NHP2: variants seen among roughly 807,000 people sequenced by gnomAD.
NHP2 encodes NHP2 ribonucleoprotein, also known as H/ACA ribonucleoprotein complex subunit 2.
In NHP2, 10 loss-of-function variants were observed where a neutral mutation model predicts 16.7. The observed-to-expected ratio is 0.60, with a 90% CI of 0.37 to 1.01. The LOEUF is 1.01. NHP2 is among the 50% of genes least tolerant of loss of function. The probability of loss-of-function intolerance (pLI) is 0.01; values close to 1 mark genes in which losing one functional copy is unlikely to be tolerated. For missense variants in NHP2, 184 were observed against 198.3 expected (o/e 0.93, Z 0.43); for synonymous variants, 87 against 78.9 (o/e 1.10, Z -0.54).
rs773752330 is a variant in NHP2 at position 178,149,786 on chromosome 5, T to C, written c.389A>G (p.Lys130Arg). ...AGCCTCCTGGTACTCCTCATGGGGC[T>C]TGACCATTATCACACAGGTGGGGCG... ...SKRPTCVIMV[K>R]PHEEYQEAYD... The change falls in exon 4 of 4, where the codon AAG becomes AGG. Residue 130 changes from lysine to arginine, a missense_variant. By Grantham distance (26) the Lys-to-Arg change is conservative. Coordinates refer to ENST00000274606, the MANE Select transcript of NHP2 (RefSeq NM_017838.4). The C allele has an allele frequency of 6.2e-7, 1 of 1,614,042 alleles. No homozygotes were observed. The highest frequency in any genetic ancestry group is 8.5e-7 in the Non-Finnish European group (1 of 1,179,940).
chr5:178,150,962 T>C lies in NHP2; in HGVS notation c.262A>G (p.Ile88Val), dbSNP rs751572936. Reference protein sequence around the residue: ...IMVLAGDTLPIEVYCHLPVMC... With the variant: ...IMVLAGDTLPVEVYCHLPVMC... ...ACTGGGAGATGGCAGTATACCTCAA[T>C]GGGCAGTGTGTCTCCTGCCAAAACC... Residue 88 changes from isoleucine (I) to valine (V), a missense_variant, in exon 3 of 4, where the codon ATT becomes GTT. By Grantham distance (29) the Ile-to-Val change is conservative. Coordinates refer to ENST00000274606, the MANE Select transcript of NHP2 (RefSeq NM_017838.4). 2 of 1,613,972 alleles carry C rather than the reference T, an allele frequency of 1.2e-6. No homozygotes were observed. The highest frequency in any genetic ancestry group is 1.7e-6 in the Non-Finnish European group (2 of 1,179,998).
rs944016113 is a variant in NHP2, at chr5:178,149,682, G to C, written c.*31C>G. 24 of 1,611,444 alleles carry C rather than the reference G, an allele frequency of 1.5e-5. No homozygotes were observed. In the Admixed American group the frequency reaches 3.0e-4, roughly 20 times the overall value. On this transcript the variant is annotated 3_prime_UTR_variant, in exon 4 of 4. Coordinates refer to ENST00000274606, the MANE Select transcript of NHP2 (RefSeq NM_017838.4). The stretch of plus-strand genomic sequence containing the variant: ...CCTGCTGCCAGCCCAATAGCTTCCA[G>C]CGGCAGGTGCCCAGGTGCTACCGGA...
chr5:178,151,129 C>G (rs1756268460), intron 2 of NHP2, 136 bp from the exon 3 acceptor site: 1 of 766,634 alleles, frequency 1.3e-6, no homozygotes, highest in Non-Finnish European at 2.3e-6. Flanking sequence ...TGATCTCTAC[C>G]TCTTGGCAAC....
At chr5:178,153,316 G>A in intron 2 of NHP2, 175 bp downstream of exon 2, 2 of 710,024 alleles carry the variant, frequency 2.8e-6, no homozygotes, top group Admixed American at 2.1e-5. Flanking sequence ...GCTGGTATAC[G>A]TGGTGTACCG....
Sources: gnomAD v4.1 joint callset for allele counts on GRCh38, gnomAD v4.1.1 for gene constraint, MANE v1.5 for transcripts, NCBI Gene and HGNC (gene_info 2026-07-23, HGNC 2026-07-21) for gene names.